TRIML2: variants seen among roughly 807,000 people sequenced by gnomAD.
TRIML2 encodes the protein tripartite motif family like 2.
In TRIML2, 28 loss-of-function variants were observed where a neutral mutation model predicts 31.2. The observed-to-expected ratio is 0.90, with a 90% CI of 0.66 to 1.23. TRIML2 has a LOEUF of 1.23. TRIML2 is among the 50% of genes most tolerant of loss of function. TRIML2 has a pLI of 0.00. For missense variants in TRIML2, 536 were observed against 528.3 expected (o/e 1.01, Z -0.14); for synonymous variants, 187 against 197.5 (o/e 0.95, Z 0.45).
chr4:188,094,984 T>A (rs563869275), intron 7 of TRIML2, among the ~76,000 whole-genome samples: 55 of 152,184 alleles, frequency 3.6e-4, no homozygotes, highest in African/African-American at 1.1e-3. Context: ...ATATACCAGT[T>A]GATTTTCAAC....
chr4:188,098,877 C>T, intron 5 of TRIML2, 158 bp downstream of exon 5: 1 of 803,466 alleles, frequency 1.2e-6, no homozygotes. Flanking sequence ...ATGACCATTC[C>T]TAAAGCTTTT....
chr4:188,100,106 G>A (rs1409665137), intron 4 of TRIML2, among the ~76,000 whole-genome samples: 2 of 152,058 alleles, frequency 1.3e-5, no homozygotes, highest in Non-Finnish European at 2.9e-5. Context: ...TTAACATGCT[G>A]AAGAGTATTC....
At chr4:188,104,807 C>T (rs746605050) in intron 3 of TRIML2, 30 bp downstream of exon 3, 1 of 1,529,320 alleles carries the variant, frequency 6.5e-7, no homozygotes, top group South Asian at 1.1e-5. Context: ...GGTAATTTCC[C>T]CCCAAGAATC....
At chr4:188,101,942 A>T (rs906689823) in intron 3 of TRIML2, among the ~76,000 whole-genome samples, 69 of 151,750 alleles carry the variant, frequency 4.5e-4, no homozygotes, top group African/African-American at 1.6e-3. Flanking sequence ...CATCCTGGCT[A>T]ACACGGTGAA....
chr4:188,091,760 G>A lies in TRIML2; in HGVS notation c.927C>T (p.Asp309=), dbSNP rs1422347969. ...CTTGCCACCTGGTTGCCTTTTCCACGTCCACCTCCCAGTAGTGCCTCCCTG... is the reference window on the plus strand; with the variant it reads ...CTTGCCACCTGGTTGCCTTTTCCACATCCACCTCCCAGTAGTGCCTCCCTG... ...FTSGRHYWEV[D]VEKATRWQVG... The change falls in exon 8 of 8, where the codon GAC becomes GAT. Residue 309 remains aspartate, a synonymous_variant. Coordinates refer to ENST00000682553, the MANE Select transcript of TRIML2 (RefSeq NM_173553.4). 23 of 1,613,920 alleles carry A rather than the reference G, an allele frequency of 1.4e-5. No individual in the cohort carries two copies. The highest frequency in any genetic ancestry group is 6.7e-5 in the East Asian group (3 of 44,884).
intron 3 of TRIML2, among the ~76,000 whole-genome samples, chr4:188,101,791 G>A (rs1351849076): frequency 1.7e-4 from 26 of 152,036 alleles, no homozygotes; most frequent in Admixed American, 1.7e-3. Context: ...CATCAGCCAA[G>A]ACATCAACAC....
chr4:188,104,361 TTTTTTA>T (rs1311168820), intron 3 of TRIML2, among the ~76,000 whole-genome samples: 1 of 152,130 alleles, frequency 6.6e-6, no homozygotes, highest in Non-Finnish European at 1.5e-5. Flanking sequence ...CTTACTGACT[TTTTTTA>T]TTTTTATTTT....
At chr4:188,097,720 T>G (rs1733580971) in intron 5 of TRIML2, among the ~76,000 whole-genome samples, 1 of 152,186 alleles carries the variant, frequency 6.6e-6, no homozygotes, top group African/African-American at 2.4e-5. Context: ...CACACCTGCC[T>G]GCATGCTCAA....
At chr4:188,098,922 TG>T in intron 5 of TRIML2, 112 bp downstream of exon 5, 1 of 1,215,908 alleles carries the variant, frequency 8.2e-7, no homozygotes, top group Non-Finnish European at 1.1e-6. Context: ...CCTTCTTTTG[TG>T]GTTGAAGATC....
chr4:188,092,423 T>C (rs570599403), intron 7 of TRIML2, among the ~76,000 whole-genome samples: 1 of 152,082 alleles, frequency 6.6e-6, no homozygotes, highest in East Asian at 1.9e-4. Context: ...ATCACACCAC[T>C]GCACTCCAGC....
intron 7 of TRIML2, among the ~76,000 whole-genome samples, chr4:188,095,700 T>C (rs1470328769): frequency 1.3e-5 from 2 of 152,080 alleles, no homozygotes; most frequent in African/African-American, 4.8e-5. Context: ...AGTTTGGCAA[T>C]CCCACCCTTA....
At chr4:188,101,555 G>A (rs902777416) in intron 3 of TRIML2, among the ~76,000 whole-genome samples, 1 of 151,688 alleles carries the variant, frequency 6.6e-6, no homozygotes. Context: ...TTAGCTGGGC[G>A]TGGTGGGGAG....
At chr4:188,097,807 A>G (rs1022820422) in intron 5 of TRIML2, among the ~76,000 whole-genome samples, 2 of 152,150 alleles carry the variant, frequency 1.3e-5, no homozygotes, top group Non-Finnish European at 1.5e-5. Flanking sequence ...TAAGCCCAGG[A>G]GAGGGATATG....
At chr4:188,096,519 ACT>A (rs1238614678) in intron 7 of TRIML2, among the ~76,000 whole-genome samples, 1 of 108,888 alleles carries the variant, frequency 9.2e-6, no homozygotes, top group East Asian at 3.2e-4. Flanking sequence ...GCAAAGTGAA[ACT>A]CTGTCTCAAA....
In TRIML2 at chr4:188,091,652, C is replaced by A. The variant is rs1733262250; in HGVS notation, c.1035G>T (p.Val345=). 1.2e-6 allele frequency: 2 copies of A among 1,613,728 alleles called. No homozygotes were observed. Among genetic ancestry groups the A allele is most frequent in the Non-Finnish European group, 8.5e-7 (1 of 1,179,748 alleles). Residue 345 remains valine, a synonymous_variant, in exon 8 of 8, where the codon GTG becomes GTT. Transcript: ENST00000682553. ...CCCAGAGAGTCCACTCGGTCCCCATCACCGACCCCGTGAGCAAGACTTTCT... is the reference window on the plus strand; with the variant it reads ...CCCAGAGAGTCCACTCGGTCCCCATAACCGACCCCGTGAGCAAGACTTTCT... The part of the protein sequence containing the change: ...SGEKVLLTGS[V]MGTEWTLWVF...
At chr4:188,098,165 C>T (rs1170182249) in intron 5 of TRIML2, 2 of 315,760 alleles carry the variant, frequency 6.3e-6, no homozygotes, top group Non-Finnish European at 1.3e-5. Context: ...TGAAAGGCAA[C>T]GTATGTTACT....
chr4:188,099,171 A>T lies in TRIML2; in HGVS notation c.485T>A (p.Leu162Gln), dbSNP rs780493690. ...CATGTTCTCTCTCCCCACACGGCCC[A>T]GTCTCTGCAGAAGCATTTCTTCGTT... Reference protein sequence around the residue: ...EEMFQEMLQRLGRVGRENMEK... With the variant: ...EEMFQEMLQRQGRVGRENMEK... Residue 162 changes from leucine to glutamine, a missense_variant, in exon 5 of 8, where the codon CTG becomes CAG. Coordinates refer to ENST00000682553, the MANE Select transcript of TRIML2 (RefSeq NM_173553.4). 1 of 1,604,366 alleles carries T rather than the reference A, an allele frequency of 6.2e-7. No homozygotes were observed. The highest frequency in any genetic ancestry group is 2.2e-5 in the East Asian group (1 of 44,766).
chr4:188,092,230 G>T (rs1339497793), intron 7 of TRIML2, among the ~76,000 whole-genome samples: 1 of 152,062 alleles, frequency 6.6e-6, no homozygotes, highest in African/African-American at 2.4e-5. Flanking sequence ...ATCCAACGTG[G>T]CGCGGTGGCT....
At chr4:188,106,811 TA>T in intron 1 of TRIML2, 1 of 246,278 alleles carries the variant, frequency 4.1e-6, no homozygotes. Flanking sequence ...AGACTCTTGC[TA>T]AGGTGGCCAA....
Sources: gnomAD v4.1 joint callset for allele counts (sites outside exome capture counted in the v4.1 genomes callset) on GRCh38, gnomAD v4.1.1 for gene constraint, MANE v1.5 for transcripts, NCBI Gene and HGNC (gene_info 2026-07-23, HGNC 2026-07-21) for gene names.